ASNS: variants seen among roughly 807,000 people sequenced by gnomAD.
ASNS encodes the protein asparagine synthetase (glutamine-hydrolyzing), also known as asparagine synthetase [glutamine-hydrolyzing].
Under a neutral mutation model 62.6 loss-of-function variants are expected in ASNS, and 37 were observed. That is an observed-to-expected ratio of 0.59 (90% CI 0.45 to 0.78). The LOEUF (loss-of-function observed/expected upper bound fraction) is 0.78, where lower values mean the gene tolerates loss of function less well. ASNS is among the 30% of genes least tolerant of loss of function. The probability of loss-of-function intolerance (pLI) is 0.00; values close to 1 mark genes in which losing one functional copy is unlikely to be tolerated. For synonymous variants in ASNS, 207 were observed against 237.9 expected (o/e 0.87, Z 1.19); for missense variants, 520 against 682.4 (o/e 0.76, Z 2.65).
the ASNS span, among the ~76,000 whole-genome samples, chr7:97,919,805 G>A: frequency 1.3e-5 from 2 of 152,178 alleles, no homozygotes; most frequent in Admixed American, 1.3e-4. Context: ...CAGAGCCCCT[G>A]TGTACCTGTT....
chr7:97,898,811 T>G, the ASNS span: 1 of 739,934 alleles, frequency 1.4e-6, no homozygotes, highest in Admixed American at 1.8e-5. Flanking sequence ...ACAGGTAAGA[T>G]CCATGCCATA....
the ASNS span, among the ~76,000 whole-genome samples, chr7:97,912,167 G>A: frequency 6.6e-6 from 1 of 152,124 alleles, no homozygotes; most frequent in African/African-American, 2.4e-5. Flanking sequence ...ACCTGCCCAG[G>A]TTCTCCTAGC....
At chr7:97,883,692 A>T in the ASNS span, among the ~76,000 whole-genome samples, 2 of 152,180 alleles carry the variant, frequency 1.3e-5, no homozygotes, top group Non-Finnish European at 2.9e-5. Flanking sequence ...GTCGGTTAAC[A>T]ATGATAAAAG....
the ASNS span, chr7:97,928,117 C>T: frequency 6.5e-7 from 1 of 1,531,374 alleles, no homozygotes; most frequent in Non-Finnish European, 8.7e-7. Context: ...GTGCCGGTCT[C>T]CTCCCTGCCC....
chr7:97,910,150 C>T, the ASNS span, among the ~76,000 whole-genome samples: 2 of 152,180 alleles, frequency 1.3e-5, no homozygotes, highest in Admixed American at 1.3e-4. Flanking sequence ...GAGCCAGAGC[C>T]AGGCTGGCTG....
chr7:97,917,222 A>G, the ASNS span, among the ~76,000 whole-genome samples: 1 of 110,964 alleles, frequency 9.0e-6, no homozygotes, highest in Non-Finnish European at 1.9e-5. Context: ...GCACCAAAAA[A>G]AAAAAAAAAA....
the ASNS span, among the ~76,000 whole-genome samples, chr7:97,916,425 G>C: frequency 6.6e-6 from 1 of 152,226 alleles, no homozygotes; most frequent in East Asian, 1.9e-4. Context: ...ATTTGCTAAA[G>C]GGGGAGAAAA....
chr7:97,916,596 A>C, the ASNS span, among the ~76,000 whole-genome samples: 8 of 152,166 alleles, frequency 5.3e-5, no homozygotes, highest in African/African-American at 1.9e-4. Flanking sequence ...GCATGTGAAC[A>C]AGCCTATGGT....
chr7:97,909,570 A>T, the ASNS span, among the ~76,000 whole-genome samples: 10 of 152,132 alleles, frequency 6.6e-5, no homozygotes, highest in East Asian at 3.9e-4. Context: ...CAGCCTCCCA[A>T]GTGCTAAGAT....
chr7:97,879,098 G>A, the ASNS span, among the ~76,000 whole-genome samples: 1 of 152,152 alleles, frequency 6.6e-6, no homozygotes, highest in South Asian at 2.1e-4. Context: ...GCCATATGTA[G>A]AAAGCTGAAA....
upstream of ASNS, among the ~76,000 whole-genome samples, chr7:97,874,726 C>T (rs1792403465): frequency 7.2e-6 from 1 of 139,726 alleles, no homozygotes; most frequent in Non-Finnish European, 1.6e-5. Flanking sequence ...ATAAATACAT[C>T]AGGATGAATA....
At chr7:97,853,601 G>T (rs2115597132) in intron 10 of ASNS, among the ~76,000 whole-genome samples, 1 of 152,172 alleles carries the variant, frequency 6.6e-6, no homozygotes, top group South Asian at 2.1e-4. Flanking sequence ...GTCATCTAGG[G>T]AGTAAAACTA....
the ASNS span, among the ~76,000 whole-genome samples, chr7:97,896,076 A>T: frequency 2.4e-4 from 37 of 152,254 alleles, no homozygotes; most frequent in African/African-American, 8.2e-4. Flanking sequence ...ATGGAAAGGC[A>T]TCTTATGCTT....
At chr7:97,858,030 G>A (rs1257706830) in intron 7 of ASNS, among the ~76,000 whole-genome samples, 1 of 152,094 alleles carries the variant, frequency 6.6e-6, no homozygotes, top group Admixed American at 6.6e-5. Flanking sequence ...ACTTTCAAAA[G>A]AGCATACTTA....
chr7:97,900,361 A>AAAAAAAAAAAAAAC, the ASNS span, among the ~76,000 whole-genome samples: 2 of 41,900 alleles, frequency 4.8e-5, no homozygotes, highest in African/African-American at 3.6e-4. Context: ...ACTTTGTCTC[A>AAAAAAAAAAAAAAC]AAAAAAAAAA....
the ASNS span, among the ~76,000 whole-genome samples, chr7:97,927,883 C>A: frequency 1.3e-5 from 2 of 152,398 alleles, no homozygotes; most frequent in African/African-American, 2.4e-5. Context: ...CCGGGAGCAA[C>A]CCCAAGACTG....
chr7:97,861,023 CT>C (rs71108240), intron 4 of ASNS, among the ~76,000 whole-genome samples: 99 of 120,674 alleles, frequency 8.2e-4, no homozygotes, highest in Admixed American at 1.8e-3. Context: ...TCATTTGATC[CT>C]TTTTTTTTTT....
the ASNS span, among the ~76,000 whole-genome samples, chr7:97,879,589 G>A: frequency 6.6e-6 from 1 of 152,194 alleles, no homozygotes; most frequent in Non-Finnish European, 1.5e-5. Flanking sequence ...AGGACAGCAG[G>A]AACCTGGGGC....
At chr7:97,898,267 C>T in the ASNS span, 273 of 372,446 alleles carry the variant, frequency 7.3e-4, 3 homozygotes, top group South Asian at 5.7e-3. Context: ...GCTAATTTTG[C>T]TCTTTCATTG....
Sources: allele counts gnomAD v4.1 joint callset (sites outside exome capture counted in the v4.1 genomes callset), GRCh38; gene constraint gnomAD v4.1.1; transcripts MANE v1.5; gene names NCBI Gene and HGNC (gene_info 2026-07-23, HGNC 2026-07-21).